Variants in PCDH15 observed in about 807,000 individuals in gnomAD.
PCDH15 encodes the protein protocadherin-15.
A neutral mutation model predicts 178.5 loss-of-function variants in PCDH15; 129 were observed. The observed-to-expected ratio is 0.72, with a 90% confidence interval of 0.63 to 0.84. The LOEUF (loss-of-function observed/expected upper bound fraction) is 0.84, where lower values mean the gene tolerates loss of function less well. Among genes scored for constraint, PCDH15 ranks in the 40% least tolerant of loss-of-function variants. The probability of loss-of-function intolerance (pLI) is 0.00; values close to 1 mark genes in which losing one functional copy is unlikely to be tolerated. For missense variants in PCDH15, 2,230 were observed against 2,099.9 expected, an observed-to-expected ratio of 1.06 and a Z score of -1.21; for synonymous variants, 800 against 732.0, an observed-to-expected ratio of 1.09 and a Z score of -1.50.
chr10:55,484,742 C>T (rs1840261250), intron 2 of PCDH15, among the ~76,000 whole-genome samples: 1 of 151,592 alleles, frequency 6.6e-6, no homozygotes, highest in Admixed American at 6.6e-5. Flanking sequence ...GCATTTACAG[C>T]CAACTGATTT....
chr10:54,931,016 T>G (rs1014496180), intron 2 of PCDH15, among the ~76,000 whole-genome samples: 1 of 152,194 alleles, frequency 6.6e-6, no homozygotes, highest in Non-Finnish European at 1.5e-5. Context: ...TTACTTAATC[T>G]CCTTTGGAGC....
chr10:54,770,298 G>T (rs897491149), intron 1 of PCDH15, among the ~76,000 whole-genome samples: 7 of 152,006 alleles, frequency 4.6e-5, no homozygotes, highest in East Asian at 1.9e-4. Context: ...TATTCATTTT[G>T]ATTTTGCAAG....
chr10:55,299,559 G>T (rs1308267879), intron 1 of PCDH15, among the ~76,000 whole-genome samples: 4 of 152,078 alleles, frequency 2.6e-5, no homozygotes, highest in Non-Finnish European at 5.9e-5. Context: ...TTTCTAATTC[G>T]CCAAGCTTTG....
intron 2 of PCDH15, among the ~76,000 whole-genome samples, chr10:55,085,650 A>T (rs1422672251): frequency 2.0e-5 from 3 of 150,952 alleles, no homozygotes; most frequent in Non-Finnish European, 4.4e-5. Flanking sequence ...AAACAAAAAA[A>T]TTATTAAACT....
At position 54,902,736 on chromosome 10, in the gene PCDH15, C is replaced by A. The variant is rs1049607314; in HGVS notation, c.-79-5236G>T. Among the ~76,000 whole-genome samples, 7 of 152,262 alleles carry A rather than the reference C, an allele frequency of 4.6e-5. No individual in the cohort carries two copies. The East Asian group carries it at 1.4e-3, about 29-fold the overall frequency. On this transcript the variant is annotated intron_variant, in intron 2 of 5. Transcript: ENST00000458638. ...GAGGATGTATATTTGCTCTCTCCCC[C>A]AAATGGTTGTAATCTGCTCTAGATA... is the stretch of plus-strand genomic sequence containing the variant.
intron 6 of PCDH15, among the ~76,000 whole-genome samples, chr10:54,335,365 T>C (rs1225066791): frequency 6.6e-6 from 1 of 152,200 alleles, no homozygotes; most frequent in African/African-American, 2.4e-5. Context: ...AGTGGTCGCA[T>C]ACTCTGTGTT....
chr10:54,015,122 C>T (rs115226849), intron 20 of PCDH15, among the ~76,000 whole-genome samples: 67 of 152,158 alleles, frequency 4.4e-4, no homozygotes, highest in African/African-American at 1.5e-3. Flanking sequence ...CAACAACATC[C>T]AAGCTGAGGG....
chr10:54,914,890 T>C (rs530476431), intron 2 of PCDH15, among the ~76,000 whole-genome samples: 18 of 152,324 alleles, frequency 1.2e-4, no homozygotes, highest in African/African-American at 4.3e-4. Context: ...GGACATGCCA[T>C]TATCCTTATC....
intron 2 of PCDH15, among the ~76,000 whole-genome samples, chr10:54,538,473 C>T (rs2084823219): frequency 6.6e-6 from 1 of 152,004 alleles, no homozygotes; most frequent in South Asian, 2.1e-4. Context: ...GTCTATGTGT[C>T]TATTTTGTAC....
chr10:54,604,830 T>C (rs938709383), intron 2 of PCDH15, among the ~76,000 whole-genome samples: 11 of 151,822 alleles, frequency 7.2e-5, no homozygotes, highest in African/African-American at 2.4e-4. Flanking sequence ...TGTCTTATTT[T>C]GTGTTTCTTT....
chr10:54,597,559 A>G (rs1168183922), intron 2 of PCDH15, among the ~76,000 whole-genome samples: 1 of 151,996 alleles, frequency 6.6e-6, no homozygotes, highest in East Asian at 1.9e-4. Context: ...GAGAAAAACA[A>G]CAACAACAAC....
At chr10:55,446,261 C>A (rs566768682) in intron 2 of PCDH15, among the ~76,000 whole-genome samples, 2 of 151,152 alleles carry the variant, frequency 1.3e-5, no homozygotes, top group African/African-American at 4.9e-5. Flanking sequence ...GAAAAAAAAT[C>A]ATGTTTATGA....
intron 1 of PCDH15, among the ~76,000 whole-genome samples, chr10:55,290,922 G>T (rs1007408899): frequency 1.3e-5 from 2 of 152,080 alleles, no homozygotes; most frequent in Non-Finnish European, 2.9e-5. Context: ...TAACAGTTAT[G>T]AAACGTCCAG....
chr10:55,409,088 T>G (rs574738412), intron 2 of PCDH15, among the ~76,000 whole-genome samples: 1 of 150,286 alleles, frequency 6.7e-6, no homozygotes, highest in Non-Finnish European at 1.5e-5. Flanking sequence ...ATTGAACACA[T>G]CTCACTGTAG....
At chr10:55,514,465 A>G (rs763626437) in intron 2 of PCDH15, among the ~76,000 whole-genome samples, 2 of 152,190 alleles carry the variant, frequency 1.3e-5, no homozygotes, top group South Asian at 2.1e-4. Flanking sequence ...AAATTTATTA[A>G]CATGTACCTG....
At chr10:54,545,502 T>C (rs1203918378) in intron 2 of PCDH15, among the ~76,000 whole-genome samples, 1 of 152,026 alleles carries the variant, frequency 6.6e-6, no homozygotes, top group Admixed American at 6.5e-5. Flanking sequence ...TAAAATTATT[T>C]TATAATTTTG....
At chr10:54,823,308 A>G (rs1376356358) in intron 3 of PCDH15, among the ~76,000 whole-genome samples, 1 of 152,136 alleles carries the variant, frequency 6.6e-6, no homozygotes, top group Non-Finnish European at 1.5e-5. Context: ...ACTGCATGGC[A>G]GTAAACTGCT....
chr10:55,028,437 A>G (rs1402501251), intron 2 of PCDH15, among the ~76,000 whole-genome samples: 1 of 152,034 alleles, frequency 6.6e-6, no homozygotes, highest in Non-Finnish European at 1.5e-5. Context: ...TCACGTGCAC[A>G]AACACATACT....
intron 15 of PCDH15, among the ~76,000 whole-genome samples, chr10:54,099,226 C>T (rs1212638100): frequency 6.6e-6 from 1 of 152,038 alleles, no homozygotes; most frequent in Non-Finnish European, 1.5e-5. Context: ...ACAGGCTGGG[C>T]GCAGTGGCTC....
Sources: allele counts gnomAD v4.1 joint callset (sites outside exome capture counted in the v4.1 genomes callset), GRCh38; gene constraint gnomAD v4.1.1; transcripts MANE v1.5; gene names NCBI Gene and HGNC (gene_info 2026-07-23, HGNC 2026-07-21).